Variants in CARMIL1 observed in about 807,000 individuals in gnomAD.
CARMIL1 encodes the protein F-actin-uncapping protein LRRC16A.
Under a neutral mutation model 177.1 loss-of-function variants are expected in CARMIL1, and 90 were observed. The ratio of observed to expected loss-of-function variants is 0.51; its 90% CI spans 0.43 to 0.61. CARMIL1 has a LOEUF of 0.61. Ranked by LOEUF, CARMIL1 falls within the 20% of genes least tolerant of loss-of-function variation. The pLI is 0.00. For synonymous variants in CARMIL1, 577 were observed against 606.2 expected, an observed-to-expected ratio of 0.95 and a Z score of 0.71; for missense variants, 1,380 against 1,667.0, an observed-to-expected ratio of 0.83 and a Z score of 3.00.
chr6:25,340,777 G>GTTTTT (rs34928775), intron 2 of CARMIL1, among the ~76,000 whole-genome samples: 1,256 of 86,082 alleles, frequency 0.015, 89 homozygotes, highest in East Asian at 0.13. Context: ...GTCAATGAAG[G>GTTTTT]TTTTTTTTTT....
At chr6:25,352,319 C>CT (rs10713909) in intron 2 of CARMIL1, among the ~76,000 whole-genome samples, 18 of 143,656 alleles carry the variant, frequency 1.3e-4, no homozygotes, top group Non-Finnish European at 2.0e-4. Context: ...TTGTAGGATA[C>CT]TTTTTTTTTT....
chr6:25,575,843 T>C lies in CARMIL1; in HGVS notation c.2743-5081T>C, dbSNP rs1241228997. ...GGTTATAGGGAATGCTTTTTACTTA[T>C]GTGCTGCCTTTACTTTAAAGAGACA... is the stretch of plus-strand genomic sequence containing the variant. On this transcript the variant is annotated intron_variant, in intron 29 of 36. Coordinates refer to ENST00000329474, the MANE Select transcript of CARMIL1 (RefSeq NM_017640.6). Among the ~76,000 whole-genome samples the C allele has an allele frequency of 3.3e-5, 5 of 152,222 alleles. No homozygotes were observed. The South Asian group carries it at 6.2e-4, about 19-fold the overall frequency.
chr6:25,346,485 C>T (rs1787525893), intron 2 of CARMIL1, among the ~76,000 whole-genome samples: 1 of 152,216 alleles, frequency 6.6e-6, no homozygotes, highest in African/African-American at 2.4e-5. Context: ...TCTTAACTTT[C>T]CACACCCCTC....
rs2151362774 is a variant in CARMIL1 at position 25,619,684 on chromosome 6, G to T, written c.*101G>T. The T allele has an allele frequency of 9.1e-7, 1 of 1,102,648 alleles. No individual in the cohort carries two copies. Among genetic ancestry groups the T allele is most frequent in the South Asian group, 2.3e-5 (1 of 43,712 alleles). 68.3% of individuals were successfully genotyped at this position (1,102,648 alleles called of 1,614,324 possible). A position where few individuals can be genotyped will look rare whatever the true frequency, so the allele number is the denominator to read the frequency against. On this transcript the variant is annotated 3_prime_UTR_variant, in exon 37 of 37. Transcript: ENST00000329474. ...TCTTCCCAGGCGTTCTTCTCTGGGTGCTTTATTCTCTTCTTTTTCTTTATT... is the reference window on the plus strand; with the variant it reads ...TCTTCCCAGGCGTTCTTCTCTGGGTTCTTTATTCTCTTCTTTTTCTTTATT...
chr6:25,390,321 T>TATATATATATATA (rs1491117122), intron 2 of CARMIL1, among the ~76,000 whole-genome samples: 6 of 38,198 alleles, frequency 1.6e-4, no homozygotes, highest in African/African-American at 2.1e-4. Flanking sequence ...TATATATATA[T>TATATATATATATA]TTTTTTTTTT....
At chr6:25,498,067 T>C (rs1031237144) in intron 16 of CARMIL1, among the ~76,000 whole-genome samples, 8 of 152,166 alleles carry the variant, frequency 5.3e-5, no homozygotes, top group African/African-American at 1.7e-4. Context: ...GAGTTCCTGG[T>C]TACTGCTCAT....
At chr6:25,587,739 C>G (rs926387530) in intron 31 of CARMIL1, among the ~76,000 whole-genome samples, 1 of 152,170 alleles carries the variant, frequency 6.6e-6, no homozygotes, top group African/African-American at 2.4e-5. Flanking sequence ...AACAAATTAA[C>G]TAACTTTACA....
chr6:25,387,199 C>T (rs1792275445), intron 2 of CARMIL1, among the ~76,000 whole-genome samples: 1 of 150,296 alleles, frequency 6.7e-6, no homozygotes, highest in Non-Finnish European at 1.5e-5. Flanking sequence ...ATTTAATGTA[C>T]AGACTATATG....
chr6:25,462,036 T>C (rs1800165179), intron 8 of CARMIL1, among the ~76,000 whole-genome samples: 1 of 152,188 alleles, frequency 6.6e-6, no homozygotes, highest in Non-Finnish European at 1.5e-5. Flanking sequence ...GATTGTTTTT[T>C]ATTTTTGATA....
intron 16 of CARMIL1, among the ~76,000 whole-genome samples, chr6:25,499,234 A>G (rs993611366): frequency 6.6e-6 from 1 of 152,202 alleles, no homozygotes; most frequent in African/African-American, 2.4e-5. Flanking sequence ...AAAACAGGTA[A>G]TCGCCCCCAG....
chr6:25,361,837 A>G (rs1789229097), intron 2 of CARMIL1, among the ~76,000 whole-genome samples: 1 of 152,146 alleles, frequency 6.6e-6, no homozygotes, highest in Admixed American at 6.5e-5. Flanking sequence ...TCACCGTATG[A>G]TGCTCTCTAC....
chr6:25,449,507 G>A (rs1798575298), intron 5 of CARMIL1, among the ~76,000 whole-genome samples: 1 of 152,156 alleles, frequency 6.6e-6, no homozygotes, highest in Non-Finnish European at 1.5e-5. Context: ...ATGGACATGT[G>A]TGCAAGGCAC....
Position 25,620,396 on chromosome 6 carries a change from A to C in CARMIL1, c.*813A>C, listed in dbSNP as rs1759645161. The stretch of plus-strand genomic sequence containing the variant: ...AGCTTTTAATGTGTGATTTTAAGAG[A>C]GAATACTTTGACACCTGTAAAAATC... On this transcript the variant is annotated 3_prime_UTR_variant, in exon 37 of 37. Transcript: ENST00000329474. 1.3e-5 allele frequency: 2 copies of C among 152,228 alleles called. No homozygotes were observed. The allele number at this position is 152,228 out of a possible 1,614,324, so 9.4% of individuals were successfully genotyped here.
At chr6:25,459,273 T>TCTTTCTTTCTTTCTTTCTC (rs1390647134) in intron 8 of CARMIL1, among the ~76,000 whole-genome samples, 1 of 132,758 alleles carries the variant, frequency 7.5e-6, no homozygotes, top group Non-Finnish European at 1.6e-5. Context: ...TTTCTTTTTT[T>TCTTTCTTTCTTTCTTTCTC]TTTTTTTAAG....
At chr6:25,306,010 CA>C (rs1472101345) in intron 2 of CARMIL1, among the ~76,000 whole-genome samples, 1 of 152,120 alleles carries the variant, frequency 6.6e-6, no homozygotes, top group Non-Finnish European at 1.5e-5. Context: ...AGTATATTCT[CA>C]ATGTTATGCA....
At chr6:25,551,241 G>A (rs1032058264) in intron 27 of CARMIL1, among the ~76,000 whole-genome samples, 156 bp downstream of exon 27, 37 of 152,248 alleles carry the variant, frequency 2.4e-4, no homozygotes, top group African/African-American at 8.9e-4. Context: ...GTGCATAAAT[G>A]CATAAGTTTT....
At chr6:25,390,654 AG>A (rs1792719853) in intron 2 of CARMIL1, among the ~76,000 whole-genome samples, 1 of 152,042 alleles carries the variant, frequency 6.6e-6, no homozygotes. Flanking sequence ...AAAACAACCT[AG>A]GCAACTCTTT....
chr6:25,613,010 G>A, intron 36 of CARMIL1: 1 of 570,994 alleles, frequency 1.8e-6, no homozygotes, highest in South Asian at 7.7e-5. Flanking sequence ...TACAAGAGAG[G>A]TTTTTGGTTT....
At chr6:25,288,659 T>A (rs1162136301) in intron 2 of CARMIL1, among the ~76,000 whole-genome samples, 1 of 152,200 alleles carries the variant, frequency 6.6e-6, no homozygotes, top group Non-Finnish European at 1.5e-5. Flanking sequence ...CATTCTGTTT[T>A]CTCCGTGGTG....
Sources: allele counts gnomAD v4.1 joint callset (sites outside exome capture counted in the v4.1 genomes callset), GRCh38; gene constraint gnomAD v4.1.1; transcripts MANE v1.5; gene names NCBI Gene and HGNC (gene_info 2026-07-23, HGNC 2026-07-21).